NRP1: variants seen among roughly 807,000 people sequenced by gnomAD.
NRP1 encodes the protein neuropilin 1, also known as neuropilin-1.
A neutral mutation model predicts 106.7 loss-of-function variants in NRP1; 35 were observed. That is an observed-to-expected ratio of 0.33 (90% confidence interval 0.25 to 0.43). NRP1 has a LOEUF of 0.43. Ranked by LOEUF, NRP1 falls within the 20% of genes least tolerant of loss-of-function variation. The probability of loss-of-function intolerance (pLI) is 1.00; values close to 1 mark genes in which losing one functional copy is unlikely to be tolerated. For missense variants in NRP1, 1,024 were observed against 1,170.4 expected, an observed-to-expected ratio of 0.87 and a Z score of 1.83; for synonymous variants, 437 against 417.9, an observed-to-expected ratio of 1.05 and a Z score of -0.56.
intron 2 of NRP1, among the ~76,000 whole-genome samples, chr10:33,311,189 A>T (rs1846584862): frequency 6.6e-6 from 1 of 152,206 alleles, no homozygotes; most frequent in Non-Finnish European, 1.5e-5. Context: ...CTTGGGAAAC[A>T]AGAGTATTCC....
At chr10:33,201,354 T>A (rs574218904) in intron 11 of NRP1, 2 of 152,232 alleles carry the variant, frequency 1.3e-5, no homozygotes, top group South Asian at 4.1e-4. Flanking sequence ...CACTTTAGGG[T>A]TTATGAAGAA....
chr10:33,209,518 C>G (rs914689846), intron 9 of NRP1, among the ~76,000 whole-genome samples: 1 of 152,170 alleles, frequency 6.6e-6, no homozygotes, highest in Non-Finnish European at 1.5e-5. Flanking sequence ...GCTCTGTCAC[C>G]AAGGCTGGAG....
intron 3 of NRP1, among the ~76,000 whole-genome samples, chr10:33,265,363 A>G (rs1053541791): frequency 1.3e-5 from 2 of 152,162 alleles, no homozygotes; most frequent in African/African-American, 4.8e-5. Flanking sequence ...GGCAGACGTG[A>G]TGGGGCCCCG....
At chr10:33,308,198 C>T (rs977729600) in intron 2 of NRP1, among the ~76,000 whole-genome samples, 6 of 151,916 alleles carry the variant, frequency 3.9e-5, no homozygotes, top group African/African-American at 1.2e-4. Context: ...CAACAGATAG[C>T]AGGGTCTACT....
At chr10:33,317,249 G>C (rs948908339) in intron 2 of NRP1, among the ~76,000 whole-genome samples, 1 of 152,170 alleles carries the variant, frequency 6.6e-6, no homozygotes, top group Admixed American at 6.5e-5. Context: ...GGTGAGGTGG[G>C]GATAAGGAGC....
chr10:33,284,352 G>C (rs1429376292), intron 2 of NRP1, among the ~76,000 whole-genome samples: 1 of 152,112 alleles, frequency 6.6e-6, no homozygotes, highest in Admixed American at 6.6e-5. Context: ...TTATTAAGAG[G>C]ATTGATAGTG....
intron 9 of NRP1, among the ~76,000 whole-genome samples, chr10:33,209,212 T>C (rs1838079329): frequency 6.6e-6 from 1 of 152,136 alleles, no homozygotes. Context: ...TGGCCACATA[T>C]TTTTTAACTA....
intron 8 of NRP1, among the ~76,000 whole-genome samples, chr10:33,218,856 C>A (rs1007987073): frequency 6.6e-6 from 1 of 152,084 alleles, no homozygotes; most frequent in African/African-American, 2.4e-5. Flanking sequence ...CATAAAACTG[C>A]ACTTCCTTCA....
intron 2 of NRP1, 87 bp downstream of exon 2, chr10:33,330,621 A>G (rs1185191992): frequency 2.6e-6 from 3 of 1,170,982 alleles, no homozygotes; most frequent in Non-Finnish European, 3.6e-6. Flanking sequence ...TTTATAATCT[A>G]CATTGTACAC....
chr10:33,180,578 C>T (rs750311885), intron 16 of NRP1, among the ~76,000 whole-genome samples: 6 of 152,182 alleles, frequency 3.9e-5, no homozygotes, highest in African/African-American at 1.4e-4. Flanking sequence ...GGAAACAACC[C>T]ATTCTGGATC....
intron 3 of NRP1, 142 bp downstream of exon 3, chr10:33,270,533 G>T: frequency 1.7e-6 from 1 of 590,374 alleles, no homozygotes; most frequent in Non-Finnish European, 2.7e-6. Flanking sequence ...CACCATGTTG[G>T]CCAGGCTGGT....
chr10:33,192,534 T>C, intron 12 of NRP1, 116 bp from the exon 13 acceptor site: 1 of 1,091,052 alleles, frequency 9.2e-7, no homozygotes. Flanking sequence ...CAACTTTATG[T>C]CTGTTTGAAA....
At chr10:33,280,694 A>C (rs1447247609) in intron 2 of NRP1, among the ~76,000 whole-genome samples, 1 of 152,064 alleles carries the variant, frequency 6.6e-6, no homozygotes, top group Non-Finnish European at 1.5e-5. Flanking sequence ...TATAAAGAAT[A>C]TTCTCCAACA....
chr10:33,249,084 G>GTTTTTTTTTTTTTTTTTTTT (rs750905931), intron 6 of NRP1, among the ~76,000 whole-genome samples: 5 of 72,198 alleles, frequency 6.9e-5, no homozygotes, highest in Non-Finnish European at 1.0e-4. Context: ...TATGTCTCTT[G>GTTTTTTTTTTTTTTTTTTTT]TTTTTTTTTT....
At chr10:33,296,715 G>C (rs1845412555) in intron 2 of NRP1, among the ~76,000 whole-genome samples, 1 of 152,154 alleles carries the variant, frequency 6.6e-6, no homozygotes, top group Admixed American at 6.5e-5. Flanking sequence ...CAGACATCAA[G>C]GCTAGCATTT....
intron 2 of NRP1, among the ~76,000 whole-genome samples, chr10:33,299,800 C>A (rs1845674923): frequency 6.6e-6 from 1 of 152,112 alleles, no homozygotes; most frequent in African/African-American, 2.4e-5. Flanking sequence ...AAAAATAAAC[C>A]AATTGCTACA....
At chr10:33,223,003 T>C (rs1839380131) in intron 7 of NRP1, among the ~76,000 whole-genome samples, 1 of 152,136 alleles carries the variant, frequency 6.6e-6, no homozygotes, top group Admixed American at 6.5e-5. Flanking sequence ...CTGCCTCCCT[T>C]TCCTGGATTT....
At chr10:33,287,395 T>C (rs1367966891) in intron 2 of NRP1, among the ~76,000 whole-genome samples, 1 of 152,260 alleles carries the variant, frequency 6.6e-6, no homozygotes, top group East Asian at 1.9e-4. Flanking sequence ...ACTCTCATGA[T>C]GCTCTGCAAT....
At chr10:33,199,397 T>G (rs1216292027) in intron 11 of NRP1, among the ~76,000 whole-genome samples, 1,282 of 65,038 alleles carry the variant, frequency 0.02, 46 homozygotes, top group Non-Finnish European at 0.031. Context: ...ATATTTTTTT[T>G]TTTTTTTTTT....
Sources: gnomAD v4.1 joint callset for allele counts (sites outside exome capture counted in the v4.1 genomes callset) on GRCh38, gnomAD v4.1.1 for gene constraint, MANE v1.5 for transcripts, NCBI Gene and HGNC (gene_info 2026-07-23, HGNC 2026-07-21) for gene names.